The following TMEM178B variants were observed in gnomAD, a reference collection of about 807,000 sequenced individuals.
TMEM178B encodes transmembrane protein 178B.
Under a neutral mutation model 31.0 loss-of-function variants are expected in TMEM178B, and 5 were observed. The observed-to-expected ratio is 0.16, with a 90% CI of 0.08 to 0.34. The LOEUF (loss-of-function observed/expected upper bound fraction) is 0.34, where lower values mean the gene tolerates loss of function less well. Among genes scored for constraint, TMEM178B ranks in the 10% least tolerant of loss-of-function variants. TMEM178B has a pLI of 1.00. For synonymous variants in TMEM178B, 164 were observed against 164.0 expected (o/e 1.00, Z 0.00); for missense variants, 275 against 400.3 (o/e 0.69, Z 2.67).
At chr7:141,185,601 C>T (rs754243048) in intron 1 of TMEM178B, among the ~76,000 whole-genome samples, 1 of 152,182 alleles carries the variant, frequency 6.6e-6, no homozygotes, top group Non-Finnish European at 1.5e-5. Context: ...TGTCTTCTTC[C>T]GCAGATACGT....
At chr7:141,134,331 A>G (rs1285783280) in intron 1 of TMEM178B, among the ~76,000 whole-genome samples, 2 of 152,210 alleles carry the variant, frequency 1.3e-5, no homozygotes, top group African/African-American at 4.8e-5. Context: ...TCAGCTAAGA[A>G]TACTAAATCT....
chr7:141,452,232 T>A (rs900494289), intron 3 of TMEM178B, among the ~76,000 whole-genome samples: 1 of 152,214 alleles, frequency 6.6e-6, no homozygotes, highest in Admixed American at 6.5e-5. Context: ...AAAAATGCTT[T>A]CTAGACATCT....
At chr7:141,182,334 G>C (rs1199931838) in intron 1 of TMEM178B, among the ~76,000 whole-genome samples, 7 of 152,070 alleles carry the variant, frequency 4.6e-5, no homozygotes, top group Non-Finnish European at 1.0e-4. Flanking sequence ...CAACAGCCCT[G>C]GTCCTTGACT....
At position 141,300,586 on chromosome 7, in the gene TMEM178B, C is replaced by T. The variant is rs572864602; in HGVS notation, c.496+87882C>T. On this transcript the variant is annotated intron_variant, in intron 2 of 3. Transcript: ENST00000565468. ...GCTTGGATCCCTTCTTCTGCTTCTT[C>T]TCCTTCCACCTCTTAGTTTCTCGGA... Among the ~76,000 whole-genome samples the T allele has an allele frequency of 2.0e-5, 3 of 152,278 alleles. No individual in the cohort carries two copies. In the South Asian group the frequency reaches 6.2e-4, roughly 32 times the overall value.
rs532183580 is a variant in TMEM178B, at chr7:141,423,422, G to A, written c.497-14186G>A. On this transcript the variant is annotated intron_variant, in intron 2 of 3. Coordinates refer to ENST00000565468, the MANE Select transcript of TMEM178B (RefSeq NM_001195278.2). ...TTACTATTGAGATATTTTACAAAAA[G>A]TCATGCTGAGTCTTTGACATCTGGT... Among the ~76,000 whole-genome samples the A allele has an allele frequency of 5.3e-5, 8 of 152,316 alleles. No individual in the cohort carries two copies. In the South Asian group the frequency reaches 1.7e-3, roughly 32 times the overall value.
intron 2 of TMEM178B, among the ~76,000 whole-genome samples, chr7:141,432,485 T>C (rs1233230451): frequency 3.9e-5 from 6 of 152,182 alleles, no homozygotes; most frequent in Non-Finnish European, 8.8e-5. Flanking sequence ...CACTCTACTG[T>C]GTGCGTTTTG....
intron 2 of TMEM178B, among the ~76,000 whole-genome samples, chr7:141,226,718 G>A (rs1398419261): frequency 2.0e-5 from 3 of 151,892 alleles, no homozygotes; most frequent in African/African-American, 7.3e-5. Flanking sequence ...AATTAGCCGG[G>A]CATGGTGGTG....
chr7:141,417,387 C>A (rs1801118117), intron 2 of TMEM178B, among the ~76,000 whole-genome samples: 1 of 152,184 alleles, frequency 6.6e-6, no homozygotes, highest in Non-Finnish European at 1.5e-5. Context: ...GGACCAGCGG[C>A]CTTCTCAAGA....
At chr7:141,193,724 C>G (rs984600423) in intron 1 of TMEM178B, among the ~76,000 whole-genome samples, 7 of 152,166 alleles carry the variant, frequency 4.6e-5, no homozygotes, top group Non-Finnish European at 1.0e-4. Context: ...CATACTCAGG[C>G]CCCAACTCTG....
At chr7:141,127,471 G>C (rs1009242737) in intron 1 of TMEM178B, among the ~76,000 whole-genome samples, 1 of 152,192 alleles carries the variant, frequency 6.6e-6, no homozygotes, top group Non-Finnish European at 1.5e-5. Flanking sequence ...AAGAAGAAGA[G>C]AGGCCACAGA....
intron 1 of TMEM178B, among the ~76,000 whole-genome samples, chr7:141,103,673 T>G (rs777199506): frequency 1.3e-5 from 2 of 152,260 alleles, no homozygotes; most frequent in Admixed American, 6.5e-5. Flanking sequence ...TGGGCTTCTA[T>G]GTAGCTTTAG....
At chr7:141,208,212 T>C (rs1796996661) in intron 1 of TMEM178B, among the ~76,000 whole-genome samples, 2 of 151,770 alleles carry the variant, frequency 1.3e-5, no homozygotes, top group South Asian at 4.2e-4. Context: ...AATAAATAAA[T>C]AAATAAATAA....
At chr7:141,376,990 T>C (rs796854505) in intron 2 of TMEM178B, among the ~76,000 whole-genome samples, 5 of 152,226 alleles carry the variant, frequency 3.3e-5, no homozygotes, top group African/African-American at 1.2e-4. Context: ...AGGTCTCATA[T>C]TGACAAATAT....
intron 2 of TMEM178B, among the ~76,000 whole-genome samples, chr7:141,334,614 T>A (rs1446648679): frequency 1.3e-5 from 2 of 152,114 alleles, no homozygotes; most frequent in Admixed American, 6.6e-5. Context: ...CATGCAAAGA[T>A]CTATTGAAGG....
intron 2 of TMEM178B, among the ~76,000 whole-genome samples, chr7:141,316,729 T>C (rs73520043): frequency 0.013 from 1,924 of 152,342 alleles, 32 homozygotes; most frequent in African/African-American, 0.044. Context: ...TTCGATGTCA[T>C]TGAGTAAATA....
intron 2 of TMEM178B, among the ~76,000 whole-genome samples, chr7:141,436,597 AG>A (rs1045781906): frequency 6.6e-6 from 1 of 150,890 alleles, no homozygotes; most frequent in Non-Finnish European, 1.5e-5. Flanking sequence ...GCTCTAGAGA[AG>A]GGGTGATGGA....
intron 1 of TMEM178B, among the ~76,000 whole-genome samples, chr7:141,080,384 G>A (rs1292884908): frequency 6.6e-6 from 1 of 152,228 alleles, no homozygotes; most frequent in Non-Finnish European, 1.5e-5. Flanking sequence ...ATTTTGGGAG[G>A]CTGAGGAGGG....
At chr7:141,139,986 G>C (rs770130583) in intron 1 of TMEM178B, among the ~76,000 whole-genome samples, 18 of 152,112 alleles carry the variant, frequency 1.2e-4, no homozygotes, top group Non-Finnish European at 2.6e-4. Context: ...GGCTGGTCTT[G>C]AACTCCCGAC....
intron 1 of TMEM178B, among the ~76,000 whole-genome samples, chr7:141,080,679 AG>A (rs1563082335): frequency 6.6e-6 from 1 of 152,260 alleles, no homozygotes; most frequent in Non-Finnish European, 1.5e-5. Flanking sequence ...AATATAGCAC[AG>A]GGTAATGGGC....
Sources: gnomAD v4.1 joint callset for allele counts (sites outside exome capture counted in the v4.1 genomes callset) on GRCh38, gnomAD v4.1.1 for gene constraint, MANE v1.5 for transcripts, NCBI Gene and HGNC (gene_info 2026-07-23, HGNC 2026-07-21) for gene names.